Variants in TMCC3 observed in about 807,000 individuals in gnomAD.
TMCC3 encodes the protein transmembrane and coiled-coil domain family 3.
Under a neutral mutation model 40.2 loss-of-function variants are expected in TMCC3, and 28 were observed. That is an observed-to-expected ratio of 0.70 (90% CI 0.52 to 0.95). The LOEUF (loss-of-function observed/expected upper bound fraction) is 0.95. Among genes scored for constraint, TMCC3 ranks in the 40% least tolerant of loss-of-function variants. The pLI is 0.00. For missense variants in TMCC3, 554 were observed against 615.2 expected (o/e 0.90, Z 1.05); for synonymous variants, 255 against 248.5 (o/e 1.03, Z -0.25).
intron 1 of TMCC3, among the ~76,000 whole-genome samples, chr12:94,616,990 T>C (rs2068851353): frequency 6.6e-6 from 1 of 152,046 alleles, no homozygotes; most frequent in Admixed American, 6.5e-5. Context: ...GCTGCAGCAA[T>C]CTATGGCAAG....
chr12:94,647,932 C>T (rs1178821945), intron 1 of TMCC3, among the ~76,000 whole-genome samples: 4 of 152,188 alleles, frequency 2.6e-5, no homozygotes, highest in South Asian at 2.1e-4. Flanking sequence ...ACCTATTCCT[C>T]GCTGTCTCAA....
chr12:94,605,229 AAT>A (rs1210966080), intron 1 of TMCC3, among the ~76,000 whole-genome samples: 1 of 152,220 alleles, frequency 6.6e-6, no homozygotes, highest in African/African-American at 2.4e-5. Context: ...GTGTTTTTAT[AAT>A]CATGAAAATA....
intron 1 of TMCC3, among the ~76,000 whole-genome samples, chr12:94,642,210 T>C (rs1369324361): frequency 6.6e-6 from 1 of 152,228 alleles, no homozygotes; most frequent in African/African-American, 2.4e-5. Context: ...AGACAGAAGA[T>C]GGTATAATGG....
At chr12:94,610,109 G>A (rs2068806714) in intron 1 of TMCC3, 1 of 152,080 alleles carries the variant, frequency 6.6e-6, no homozygotes, top group South Asian at 2.1e-4. Flanking sequence ...ACACCACCTC[G>A]AATGGATATT....
intron 1 of TMCC3, among the ~76,000 whole-genome samples, chr12:94,635,319 T>C (rs1488184541): frequency 6.6e-6 from 1 of 152,194 alleles, no homozygotes; most frequent in Non-Finnish European, 1.5e-5. Context: ...AGTAGTCCTG[T>C]GACCTGCAGA....
intron 1 of TMCC3, among the ~76,000 whole-genome samples, chr12:94,648,384 G>A (rs1417826704): frequency 6.6e-6 from 1 of 151,894 alleles, no homozygotes; most frequent in East Asian, 1.9e-4. Flanking sequence ...CCACCACCAC[G>A]CCCGGCTAAT....
chr12:94,571,113 C>T lies in TMCC3; in HGVS notation c.*322G>A, dbSNP rs996877352. On this transcript the variant is annotated 3_prime_UTR_variant, in exon 4 of 4. Coordinates refer to ENST00000261226, the MANE Select transcript of TMCC3 (RefSeq NM_020698.4). ...TGACAGAGACTTAGGAGAGAGACCT[C>T]TTTCTTCAGGATCACCAATTATGCC... is the stretch of plus-strand genomic sequence containing the variant. 1 of 296,572 alleles carries T rather than the reference C, an allele frequency of 3.4e-6. No homozygotes were observed. The highest frequency in any genetic ancestry group is 6.3e-6 in the Non-Finnish European group (1 of 158,160). The allele number at this position is 296,572 out of a possible 1,614,324, so 18.4% of individuals were successfully genotyped here. A position where few individuals can be genotyped will look rare whatever the true frequency, so the allele number is the denominator to read the frequency against.
chr12:94,623,089 A>G (rs2068884357), intron 1 of TMCC3, among the ~76,000 whole-genome samples: 1 of 152,218 alleles, frequency 6.6e-6, no homozygotes, highest in Admixed American at 6.5e-5. Context: ...ACATGTGTCA[A>G]TCAGCAGCTG....
In TMCC3 at chr12:94,568,113, C is replaced by T. The variant is rs1391974094; in HGVS notation, c.*3322G>A. On this transcript the variant is annotated 3_prime_UTR_variant, in exon 4 of 4. Coordinates refer to ENST00000261226, the MANE Select transcript of TMCC3 (RefSeq NM_020698.4). ...CCGGCTGAAATGAAAGACGGAGTTT[C>T]GGAAGATTTCCTTCTGTGAATAGCT... is the stretch of plus-strand genomic sequence containing the variant. 1.3e-5 allele frequency: 2 copies of T among 152,182 alleles called. No homozygotes were observed. Among genetic ancestry groups the T allele is most frequent in the African/African-American group, 2.4e-5 (1 of 41,438 alleles). The allele number at this position is 152,182 out of a possible 1,614,324, so 9.4% of individuals were successfully genotyped here.
chr12:94,596,998 T>G (rs1488126532), intron 1 of TMCC3, among the ~76,000 whole-genome samples: 1 of 151,864 alleles, frequency 6.6e-6, no homozygotes, highest in East Asian at 1.9e-4. Context: ...TGATAAATAT[T>G]GCCAGCCATG....
intron 1 of TMCC3, among the ~76,000 whole-genome samples, chr12:94,633,049 T>C (rs1468424337): frequency 6.6e-6 from 1 of 152,100 alleles, no homozygotes; most frequent in East Asian, 1.9e-4. Context: ...GAAGACGCAG[T>C]GGGCCGAGAT....
chr12:94,649,954 G>T (rs1001907760), intron 1 of TMCC3, among the ~76,000 whole-genome samples: 4 of 152,218 alleles, frequency 2.6e-5, no homozygotes, highest in Non-Finnish European at 4.4e-5. Flanking sequence ...GTTCGGCGGG[G>T]AGGGCACCGT....
intron 1 of TMCC3, among the ~76,000 whole-genome samples, chr12:94,632,828 T>C (rs2068940450): frequency 6.6e-6 from 1 of 152,198 alleles, no homozygotes; most frequent in Non-Finnish European, 1.5e-5. Context: ...ATTAGAAAAC[T>C]GTAATTACAA....
intron 1 of TMCC3, among the ~76,000 whole-genome samples, chr12:94,590,105 C>CTTTT (rs61126367): frequency 7.6e-6 from 1 of 131,648 alleles, no homozygotes; most frequent in African/African-American, 2.9e-5. Context: ...AAAATCTATT[C>CTTTT]TTTTTTTTTT....
intron 1 of TMCC3, among the ~76,000 whole-genome samples, chr12:94,613,103 T>TACACAC (rs61688830): frequency 2.5e-3 from 371 of 149,046 alleles, no homozygotes; most frequent in African/African-American, 8.7e-3. Flanking sequence ...ATAAAATGGA[T>TACACAC]ACACACACAC....
At chr12:94,596,087 C>T (rs1299645023) in intron 1 of TMCC3, among the ~76,000 whole-genome samples, 2 of 152,212 alleles carry the variant, frequency 1.3e-5, no homozygotes, top group Non-Finnish European at 2.9e-5. Context: ...GTGTGAAATA[C>T]TTAACAAAGA....
chr12:94,575,823 A>G (rs1286455031), intron 3 of TMCC3, among the ~76,000 whole-genome samples: 1 of 152,096 alleles, frequency 6.6e-6, no homozygotes, highest in Non-Finnish European at 1.5e-5. Flanking sequence ...TTTGGAGACA[A>G]GGTCTTGCTC....
At chr12:94,594,777 T>C (rs1336282031) in intron 1 of TMCC3, among the ~76,000 whole-genome samples, 1 of 152,156 alleles carries the variant, frequency 6.6e-6, no homozygotes, top group South Asian at 2.1e-4. Context: ...ACATTTCCCA[T>C]CACATTCATT....
At chr12:94,596,244 C>T (rs1476147024) in intron 1 of TMCC3, among the ~76,000 whole-genome samples, 3 of 152,152 alleles carry the variant, frequency 2.0e-5, no homozygotes, top group Non-Finnish European at 2.9e-5. Flanking sequence ...ATCTCCATGT[C>T]ATTAGCTCTG....
Sources: allele counts gnomAD v4.1 joint callset (sites outside exome capture counted in the v4.1 genomes callset), GRCh38; gene constraint gnomAD v4.1.1; transcripts MANE v1.5; gene names NCBI Gene and HGNC (gene_info 2026-07-23, HGNC 2026-07-21).